Variants in WNT11 observed in about 807,000 individuals in gnomAD.
The protein encoded by WNT11 is protein Wnt-11.
Under a neutral mutation model 35.6 loss-of-function variants are expected in WNT11, and 20 were observed. That is an observed-to-expected ratio of 0.56 (90% confidence interval 0.40 to 0.82). The LOEUF is 0.82. Among genes scored for constraint, WNT11 ranks in the 40% least tolerant of loss-of-function variants. WNT11 has a pLI of 0.00. For missense variants in WNT11, 459 were observed against 504.4 expected (o/e 0.91, Z 0.86); for synonymous variants, 200 against 211.9 (o/e 0.94, Z 0.49).
chr11:76,207,906 C>T (rs143340176), upstream of WNT11, among the ~76,000 whole-genome samples: 127 of 152,352 alleles, frequency 8.3e-4, 2 homozygotes, highest in East Asian at 0.023. Flanking sequence ...GGCGTTCGCC[C>T]GGAGTCAGAC....
At chr11:76,188,971 A>G (rs1953136816) in intron 4 of WNT11, among the ~76,000 whole-genome samples, 1 of 152,192 alleles carries the variant, frequency 6.6e-6, no homozygotes, top group Non-Finnish European at 1.5e-5. Context: ...GGAAGGGGCC[A>G]TGGGCAGAAG....
Position 76,194,500 on chromosome 11 carries a change from T to C in WNT11, c.597+67A>G, listed in dbSNP as rs1331347214. 2 of 1,389,884 alleles carry C rather than the reference T, an allele frequency of 1.4e-6. No homozygotes were observed. The highest frequency in any genetic ancestry group is 5.6e-5 in the East Asian group (2 of 35,484). 86.1% of individuals were successfully genotyped at this position (1,389,884 alleles called of 1,614,324 possible). A position where few individuals can be genotyped will look rare whatever the true frequency, so the allele number is the denominator to read the frequency against. ...CGCACCCCCCACCACTGGGGCAAGC[T>C]GGGTGGCCCTTTTCTGGCCAATGGC... is the stretch of plus-strand genomic sequence containing the variant. On this transcript the variant is annotated intron_variant, in intron 3 of 4. Transcript: ENST00000322563. This position sits in a 1 kb window ranked among gnomAD's most constrained non-coding sequence, Gnocchi z 5.4.
At chr11:76,191,214 G>A (rs573373739) in intron 4 of WNT11, among the ~76,000 whole-genome samples, 19 of 152,164 alleles carry the variant, frequency 1.2e-4, no homozygotes, top group Non-Finnish European at 2.6e-4. Flanking sequence ...CATTTTCTGA[G>A]CACCTATCTT....
chr11:76,187,586 A>G (rs1294505449), intron 4 of WNT11, among the ~76,000 whole-genome samples: 7 of 150,966 alleles, frequency 4.6e-5, no homozygotes, highest in Middle Eastern at 3.4e-3. Context: ...CCCCGGCTCA[A>G]GTGCTCCTCC....
intron 1 of WNT11, among the ~76,000 whole-genome samples, chr11:76,202,966 C>T (rs900462001): frequency 2.7e-4 from 41 of 152,370 alleles, no homozygotes; most frequent in African/African-American, 9.6e-4. Flanking sequence ...TCCCCTTGGC[C>T]TCACACATGC....
Position 76,187,024 on chromosome 11 carries a change from G to C in WNT11, c.*41C>G. 6.2e-7 allele frequency: 1 copy of C among 1,603,618 alleles called. No individual in the cohort carries two copies. Among genetic ancestry groups the C allele is most frequent in the South Asian group, 1.1e-5 (1 of 90,948 alleles). ...CTGGCCCCAGTTGCTGAGGGTCCTT[G>C]AGCAGAGTCCTCGCTCCTGCGTGGG... On this transcript the variant is annotated 3_prime_UTR_variant, in exon 5 of 5. Coordinates refer to ENST00000322563, the MANE Select transcript of WNT11 (RefSeq NM_004626.3).
Position 76,194,852 on chromosome 11 carries a change from TG to T in WNT11, c.320-9del. The T allele has an allele frequency of 6.7e-7, 1 of 1,493,436 alleles. No homozygotes were observed. Among genetic ancestry groups the T allele is most frequent in the South Asian group, 1.3e-5 (1 of 75,240 alleles). 92.5% of individuals were successfully genotyped at this position (1,493,436 alleles called of 1,614,324 possible). ...AGGCCGACTCCCGGGTCCCTGAGGG[TG>T]GGAGGGGAAGGTCAGCCGACGCTGA... On this transcript the variant is annotated splice_polypyrimidine_tract_variant and intron_variant, in intron 2 of 4. Transcript: ENST00000322563. The surrounding 1 kb of genome is among the most constrained non-coding windows in gnomAD (Gnocchi z 5.4).
intron 4 of WNT11, among the ~76,000 whole-genome samples, chr11:76,189,951 G>T (rs570363594): frequency 4.4e-4 from 67 of 152,326 alleles, no homozygotes; most frequent in African/African-American, 1.5e-3. Context: ...ACCTGTGGGG[G>T]CTGTGAAGGA....
intron 2 of WNT11, among the ~76,000 whole-genome samples, chr11:76,195,479 G>A (rs568188127): frequency 2.0e-5 from 3 of 152,350 alleles, no homozygotes; most frequent in Admixed American, 1.3e-4. Flanking sequence ...ATGGCGGGCC[G>A]CCACCAGGAG....
intron 4 of WNT11, among the ~76,000 whole-genome samples, chr11:76,187,563 C>T (rs1761883019): frequency 6.6e-6 from 1 of 151,224 alleles, no homozygotes; most frequent in Non-Finnish European, 1.5e-5. Flanking sequence ...CCCGCCTTCC[C>T]CACCACCCAG....
intron 1 of WNT11, among the ~76,000 whole-genome samples, chr11:76,203,611 C>T (rs1953422012): frequency 6.6e-6 from 1 of 152,182 alleles, no homozygotes; most frequent in African/African-American, 2.4e-5. Context: ...GGGAAGGATC[C>T]CCAGGTTATT....
At chr11:76,206,542 G>T, upstream of WNT11, 1 of 1,221,938 alleles carries the variant, frequency 8.2e-7, no homozygotes, top group Non-Finnish European at 1.0e-6. Context: ...GGCGGCGCGC[G>T]GGCGGGGGAG....
chr11:76,190,402 T>C (rs1299615125), intron 4 of WNT11, among the ~76,000 whole-genome samples: 1 of 151,946 alleles, frequency 6.6e-6, no homozygotes, highest in East Asian at 1.9e-4. Context: ...CCTGACCTGG[T>C]TCCATCTTCC....
At chr11:76,207,986 T>TCTAAG (rs2134612367), upstream of WNT11, among the ~76,000 whole-genome samples, 1 of 151,974 alleles carries the variant, frequency 6.6e-6, no homozygotes, top group South Asian at 2.1e-4. Flanking sequence ...TTTGGGGAGT[T>TCTAAG]GGAAAAGGAG....
upstream of WNT11, among the ~76,000 whole-genome samples, chr11:76,208,808 G>T (rs12278341): frequency 0.31 from 47,351 of 152,124 alleles, 7,423 homozygotes; most frequent in East Asian, 0.4. Flanking sequence ...CTCGTCGCGC[G>T]GGGAGGCAGC....
At chr11:76,210,442 G>A (rs146773918), upstream of WNT11, 66,504 of 985,276 alleles carry the variant, frequency 0.067, 2,401 homozygotes, top group Non-Finnish European at 0.074. Context: ...CCCGCTGAGC[G>A]GCTGCCCGCT....
chr11:76,188,139 G>A (rs536162855), intron 4 of WNT11, among the ~76,000 whole-genome samples: 4 of 152,372 alleles, frequency 2.6e-5, no homozygotes, highest in African/African-American at 7.2e-5. Flanking sequence ...CATCAGACAC[G>A]CTGCTCGTGG....
intron 1 of WNT11, among the ~76,000 whole-genome samples, chr11:76,202,545 C>G (rs952316408): frequency 6.6e-6 from 1 of 151,954 alleles, no homozygotes; most frequent in Admixed American, 6.5e-5. Flanking sequence ...CAAGCCCAGC[C>G]TCTCCCCAGG....
chr11:76,210,198 C>T, upstream of WNT11: 1 of 160,828 alleles, frequency 6.2e-6, no homozygotes, highest in Non-Finnish European at 1.3e-5. Flanking sequence ...CGGGAAAGTT[C>T]GAGGAGGGCC....
Sources: allele counts gnomAD v4.1 joint callset (sites outside exome capture counted in the v4.1 genomes callset), GRCh38; gene constraint gnomAD v4.1.1; non-coding constraint Gnocchi (gnomAD v3.1); transcripts MANE v1.5; gene names NCBI Gene and HGNC (gene_info 2026-07-23, HGNC 2026-07-21).